COX6A1: variants seen among roughly 807,000 people sequenced by gnomAD.
COX6A1 encodes the protein cytochrome c oxidase subunit 6A1, mitochondrial.
COX6A1 carries 10 observed loss-of-function variants against 11.3 expected under a neutral mutation model. The ratio of observed to expected loss-of-function variants is 0.88; its 90% confidence interval spans 0.54 to 1.50. COX6A1 has a LOEUF of 1.50. Among genes scored for constraint, COX6A1 ranks in the 40% most tolerant of loss-of-function variants. The pLI, the probability that COX6A1 is intolerant of heterozygous loss-of-function variation, is 0.00. For synonymous variants in COX6A1, 81 were observed against 60.6 expected, an observed-to-expected ratio of 1.34 and a Z score of -1.57; for missense variants, 149 against 147.6, an observed-to-expected ratio of 1.01 and a Z score of -0.05.
chr12:120,439,248 C>A (rs1052927804), intron 2 of COX6A1, among the ~76,000 whole-genome samples: 1 of 152,194 alleles, frequency 6.6e-6, no homozygotes, highest in African/African-American at 2.4e-5. Context: ...CAATACTGGC[C>A]ATGCGCGGTG....
rs1469337525 is a variant in COX6A1, at chr12:120,438,644, A to G, written c.246+123A>G. On this transcript the variant is annotated intron_variant, in intron 2 of 2. Transcript: ENST00000229379. ...GTACAGCTTGTTTATCCTCACAAAC[A>G]GAAAATGTATTTTCTTCCATTTTGT... 3.7e-6 allele frequency: 5 copies of G among 1,363,536 alleles called. No individual in the cohort carries two copies. The African/African-American group carries it at 5.8e-5, about 16-fold the overall frequency. The allele number at this position is 1,363,536 out of a possible 1,614,324, so 84.5% of individuals were successfully genotyped here. A position where few individuals can be genotyped will look rare whatever the true frequency, so the allele number is the denominator to read the frequency against.
At position 120,440,444 on chromosome 12, in the gene COX6A1, C is replaced by T. The variant is rs770543721; in HGVS notation, c.247-10C>T. ...TCTGGAATTATCTAACTGACATCTT[C>T]ACTCCACAGCCGTTTCCCTGGGGAG... On this transcript the variant is annotated splice_polypyrimidine_tract_variant and intron_variant, in intron 2 of 2. Transcript: ENST00000229379. The T allele has an allele frequency of 6.2e-7, 1 of 1,606,868 alleles. No homozygotes were observed. Among genetic ancestry groups the T allele is most frequent in the South Asian group, 1.1e-5 (1 of 90,906 alleles).
At position 120,440,591 on chromosome 12, in the gene COX6A1, G is replaced by C. The variant is rs907973135; in HGVS notation, c.*54G>C. On this transcript the variant is annotated 3_prime_UTR_variant, in exon 3 of 3. Transcript: ENST00000229379. Reference sequence around the variant, plus strand: ...AGGGACCACAGCACTGGTTTGGACCGTTACTCTGCACATGGACCAGAAAAA... The same window carrying C: ...AGGGACCACAGCACTGGTTTGGACCCTTACTCTGCACATGGACCAGAAAAA... 2.2e-6 allele frequency: 3 copies of C among 1,371,606 alleles called. No individual in the cohort carries two copies. The highest frequency in any genetic ancestry group is 2.9e-5 in the African/African-American group (2 of 69,858). 85.0% of individuals were successfully genotyped at this position (1,371,606 alleles called of 1,614,324 possible).
rs766711093 is a variant in COX6A1 at position 120,440,551 on chromosome 12, C to T, written c.*14C>T. 5 of 1,579,252 alleles carry T rather than the reference C, an allele frequency of 3.2e-6. No homozygotes were observed. The South Asian group carries it at 5.5e-5, about 17-fold the overall frequency. On this transcript the variant is annotated 3_prime_UTR_variant, in exon 3 of 3. Transcript: ENST00000229379. ...GAAGATGAATAAAGAGAATCTGGACCACTACCCGGGCACCAGGGACCACAG... is the reference window on the plus strand; with the variant it reads ...GAAGATGAATAAAGAGAATCTGGACTACTACCCGGGCACCAGGGACCACAG...
Position 120,438,426 on chromosome 12 carries a change from G to T in COX6A1, c.151G>T (p.Ala51Ser). Reference protein sequence around the residue: ...LTFFVALPGVAVSMLNVYLKS... With the variant: ...LTFFVALPGVSVSMLNVYLKS... ...CTTCTTCGTCGCGCTCCCCGGGGTG[G>T]CAGTCAGCATGCTGAATGTGTACCT... Residue 51 changes from alanine to serine, a missense_variant, in exon 2 of 3, where the codon GCA becomes TCA. Physicochemically the swap from Ala to Ser is moderately conservative, Grantham distance 99. Transcript: ENST00000229379. 3 of 1,614,202 alleles carry T rather than the reference G, an allele frequency of 1.9e-6. No individual in the cohort carries two copies. The highest frequency in any genetic ancestry group is 2.5e-6 in the Non-Finnish European group (3 of 1,180,030).
chr12:120,440,168 G>T (rs925241102), intron 2 of COX6A1: 6 of 306,970 alleles, frequency 2.0e-5, no homozygotes, highest in Non-Finnish European at 3.8e-5. Flanking sequence ...GGATATACTA[G>T]TTACTAGGGA....
At position 120,438,196 on chromosome 12, in the gene COX6A1, A is replaced by C. The variant is rs148951026; in HGVS notation, c.70A>C (p.Met24Leu). ...GTCCCGCCCACAGCTGGGGCGGCCT[A>C]TGTCGAGTGGCGCCCATGGCGAAGA... ...GRSRPQLGRP[M>L]SSGAHGEEGS... The change falls in exon 1 of 3, where the codon ATG becomes CTG. Residue 24 changes from methionine to leucine, a missense_variant. Transcript: ENST00000229379. 5 of 1,613,860 alleles carry C rather than the reference A, an allele frequency of 3.1e-6. No homozygotes were observed. The South Asian group carries it at 4.4e-5, about 14-fold the overall frequency.
intron 2 of COX6A1, 24 bp downstream of exon 2, chr12:120,438,545 A>G: frequency 6.2e-7 from 1 of 1,614,078 alleles, no homozygotes; most frequent in Non-Finnish European, 8.5e-7. Flanking sequence ...CATCTCTTCA[A>G]GCGTCCGTTC....
chr12:120,438,116 C>A lies in COX6A1; in HGVS notation c.-11C>A, dbSNP rs191333802. 5.0e-6 allele frequency: 8 copies of A among 1,612,706 alleles called. No individual in the cohort carries two copies. The East Asian group carries it at 1.8e-4, about 36-fold the overall frequency. ...CTTCCGCTTCCGGCGCTGCGGCAGT[C>A]CAGATCAAAAATGGCGGTAGTTGGT... On this transcript the variant is annotated 5_prime_UTR_variant, in exon 1 of 3. Coordinates refer to ENST00000229379, the MANE Select transcript of COX6A1 (RefSeq NM_004373.4).
Position 120,440,463 on chromosome 12 carries a change from T to C in COX6A1, c.256T>C (p.Trp86Arg). 1.2e-6 allele frequency: 2 copies of C among 1,612,620 alleles called. No homozygotes were observed. The highest frequency in any genetic ancestry group is 1.7e-6 in the Non-Finnish European group (2 of 1,178,654). The change falls in exon 3 of 3, where the codon TGG (tryptophan) becomes CGG (arginine). Residue 86 changes from tryptophan to arginine, a missense_variant. Physicochemically the swap from Trp to Arg is moderately radical, Grantham distance 101. Coordinates refer to ENST00000229379, the MANE Select transcript of COX6A1 (RefSeq NM_004373.4). The part of the protein sequence containing the change: ...HLRIRTKPFP[W>R]GDGNHTLFHN... ...CATCTTCACTCCACAGCCGTTTCCCTGGGGAGATGGTAACCATACTCTATT... is the reference window on the plus strand; with the variant it reads ...CATCTTCACTCCACAGCCGTTTCCCCGGGGAGATGGTAACCATACTCTATT...
chr12:120,438,199 T>A lies in COX6A1; in HGVS notation c.73T>A (p.Ser25Thr). 6.2e-7 allele frequency: 1 copy of A among 1,613,876 alleles called. No individual in the cohort carries two copies. The highest frequency in any genetic ancestry group is 8.5e-7 in the Non-Finnish European group (1 of 1,179,944). ...CCGCCCACAGCTGGGGCGGCCTATG[T>A]CGAGTGGCGCCCATGGCGAAGAGGG... ...RSRPQLGRPM[S>T]SGAHGEEGSA... Residue 25 changes from serine to threonine, a missense_variant, in exon 1 of 3, where the codon TCG (serine) becomes ACG (threonine). Ser to Thr is a moderately conservative substitution (Grantham distance 58). Transcript: ENST00000229379.
intron 2 of COX6A1, 128 bp from the exon 3 acceptor site, chr12:120,440,326 C>G: frequency 1.5e-6 from 1 of 649,746 alleles, no homozygotes; most frequent in Non-Finnish European, 2.7e-6. Context: ...TGAACTACAC[C>G]AGTAGATAAA....
chr12:120,438,544 A>G (rs1220443164), intron 2 of COX6A1, 23 bp downstream of exon 2: 4 of 1,613,930 alleles, frequency 2.5e-6, no homozygotes, highest in Non-Finnish European at 3.4e-6. Context: ...ACATCTCTTC[A>G]AGCGTCCGTT....
chr12:120,438,611 C>T (rs1164914886), intron 2 of COX6A1, 90 bp downstream of exon 2: 1 of 1,567,162 alleles, frequency 6.4e-7, no homozygotes, highest in Non-Finnish European at 8.8e-7. Flanking sequence ...GGCATGGGTG[C>T]CAGGCGTGTA....
At chr12:120,438,785 GTTCTTTTTTT>G (rs1456452981) in intron 2 of COX6A1, 1 of 152,702 alleles carries the variant, frequency 6.5e-6, no homozygotes, top group Non-Finnish European at 1.2e-5. Context: ...TTCTGAGACA[GTTCTTTTTTT>G]TTTTTTTTTT....
Position 120,438,381 on chromosome 12 carries a change from C to T in COX6A1, c.106C>T (p.Arg36Cys), listed in dbSNP as rs778110803. The T allele has an allele frequency of 6.8e-6, 11 of 1,614,086 alleles. No individual in the cohort carries two copies. In the Admixed American group the frequency reaches 8.3e-5, roughly 12 times the overall value. The change falls in exon 2 of 3, where the codon CGC (arginine) becomes TGC (cysteine). Residue 36 changes from arginine to cysteine, a missense_variant and splice_region_variant. Coordinates refer to ENST00000229379, the MANE Select transcript of COX6A1 (RefSeq NM_004373.4). ...GAACGTTTGTGGCTTCTCCGCAGCT[C>T]GCATGTGGAAGACTCTCACCTTCTT... ...SGAHGEEGSARMWKTLTFFVA... is the reference protein window; with the variant it reads ...SGAHGEEGSACMWKTLTFFVA...
rs1329916912 is a variant in COX6A1, at chr12:120,440,717, ATAACT to A, written c.*184_*188del. The A allele has an allele frequency of 5.8e-6, 3 of 520,540 alleles. No homozygotes were observed. The highest frequency in any genetic ancestry group is 1.1e-5 in the Non-Finnish European group (3 of 284,244). 32.2% of individuals were successfully genotyped at this position (520,540 alleles called of 1,614,324 possible). A position where few individuals can be genotyped will look rare whatever the true frequency, so the allele number is the denominator to read the frequency against. ...TTGTGGCAGGAGATGGCTTAAATAA[ATAACT>A]TAAATTTAGATTGGTCATGAGCTGA... On this transcript the variant is annotated 3_prime_UTR_variant, in exon 3 of 3. Transcript: ENST00000229379.
intron 2 of COX6A1, among the ~76,000 whole-genome samples, chr12:120,439,679 G>A (rs769654862): frequency 1.1e-4 from 16 of 152,120 alleles, no homozygotes; most frequent in Admixed American, 2.0e-4. Flanking sequence ...TGAATTTGTT[G>A]AGTCTTTGAG....
rs1460228328 is a variant in COX6A1 at position 120,440,510 on chromosome 12, A to T, written c.303A>T (p.Pro101=). The T allele has an allele frequency of 6.2e-7, 1 of 1,612,534 alleles. No homozygotes were observed. The highest frequency in any genetic ancestry group is 8.5e-7 in the Non-Finnish European group (1 of 1,178,594). ...TATTCCATAACCCTCATGTGAATCCACTTCCAACTGGCTACGAAGATGAAT... is the reference window on the plus strand; with the variant it reads ...TATTCCATAACCCTCATGTGAATCCTCTTCCAACTGGCTACGAAGATGAAT... The part of the protein sequence containing the change: ...HTLFHNPHVN[P]LPTGYEDE Residue 101 remains proline, a synonymous_variant, in exon 3 of 3, where the codon CCA becomes CCT. Transcript: ENST00000229379.
Sources: gnomAD v4.1 joint callset for allele counts (sites outside exome capture counted in the v4.1 genomes callset) on GRCh38, gnomAD v4.1.1 for gene constraint, MANE v1.5 for transcripts, NCBI Gene and HGNC (gene_info 2026-07-23, HGNC 2026-07-21) for gene names.